HTRA1: variants seen among roughly 807,000 people sequenced by gnomAD.
HTRA1 encodes the protein HtrA serine peptidase 1.
HTRA1 carries 26 observed loss-of-function variants against 49.7 expected under a neutral mutation model. That is an observed-to-expected ratio of 0.52 (90% CI 0.38 to 0.73). HTRA1 has a LOEUF of 0.73. Among genes scored for constraint, HTRA1 ranks in the 30% least tolerant of loss-of-function variants. The probability of loss-of-function intolerance (pLI) is 0.00; values close to 1 mark genes in which losing one functional copy is unlikely to be tolerated. For synonymous variants in HTRA1, 291 were observed against 286.9 expected (o/e 1.01, Z -0.14); for missense variants, 561 against 667.2 (o/e 0.84, Z 1.75).
intron 1 of HTRA1, among the ~76,000 whole-genome samples, chr10:122,468,423 A>C (rs1565408873): frequency 6.6e-6 from 1 of 151,046 alleles, no homozygotes; most frequent in Admixed American, 6.6e-5. Context: ...CATCATCATC[A>C]TCATCATCAT....
chr10:122,466,984 C>T (rs979797326), intron 1 of HTRA1, among the ~76,000 whole-genome samples: 2 of 152,278 alleles, frequency 1.3e-5, no homozygotes, highest in Non-Finnish European at 2.9e-5. Context: ...TTACTTCATT[C>T]CACTGAGAGA....
At chr10:122,466,158 T>A (rs1053864761) in intron 1 of HTRA1, among the ~76,000 whole-genome samples, 2 of 152,106 alleles carry the variant, frequency 1.3e-5, no homozygotes, top group Non-Finnish European at 2.9e-5. Context: ...AGCCCTGGAA[T>A]GTTTGTAAAA....
intron 1 of HTRA1, among the ~76,000 whole-genome samples, chr10:122,478,082 C>A (rs2097489431): frequency 6.6e-6 from 1 of 152,180 alleles, no homozygotes; most frequent in Non-Finnish European, 1.5e-5. Flanking sequence ...CATCCTTAAC[C>A]CTGAATCCTG....
At position 122,478,682 on chromosome 10, in the gene HTRA1, C is replaced by T. The variant is rs576423544; in HGVS notation, c.473-10220C>T. Among the ~76,000 whole-genome samples the T allele has an allele frequency of 2.9e-3, 19 of 6,490 alleles. No individual in the cohort carries two copies. In the East Asian group the frequency reaches 0.067, roughly 23 times the overall value. The allele number at this position is 6,490 out of a possible 152,430, so 4.3% of individuals were successfully genotyped here. Reference sequence around the variant, plus strand: ...GCTGGGATTACAGGCTTGAGCCACTCGCCCGGCTGAGTTTGACCAGATTAA... The same window carrying T: ...GCTGGGATTACAGGCTTGAGCCACTTGCCCGGCTGAGTTTGACCAGATTAA... On this transcript the variant is annotated intron_variant, in intron 1 of 8. Transcript: ENST00000368984.
chr10:122,465,432 C>G (rs1301643630), intron 1 of HTRA1, among the ~76,000 whole-genome samples: 1 of 152,138 alleles, frequency 6.6e-6, no homozygotes, highest in Non-Finnish European at 1.5e-5. Context: ...TGTAGTCTTC[C>G]CTGGGTTACA....
intron 1 of HTRA1, among the ~76,000 whole-genome samples, chr10:122,472,825 G>A (rs775739089): frequency 6.6e-5 from 10 of 152,150 alleles, no homozygotes; most frequent in Middle Eastern, 3.2e-3. Context: ...GGCTATTTCT[G>A]TATCTAGGGT....
chr10:122,472,369 C>CTATTAT (rs56115456), intron 1 of HTRA1, among the ~76,000 whole-genome samples: 7,554 of 141,774 alleles, frequency 0.053, 242 homozygotes, highest in Admixed American at 0.11. Context: ...TTCTTTATTA[C>CTATTAT]TATTATTATT....
intron 4 of HTRA1, 117 bp from the exon 5 acceptor site, chr10:122,507,253 A>G: frequency 1.2e-6 from 1 of 839,514 alleles, no homozygotes; most frequent in East Asian, 2.4e-5. Flanking sequence ...AATGAATCTC[A>G]GAGAAGAATC....
At chr10:122,492,079 G>A (rs1303304952) in intron 3 of HTRA1, among the ~76,000 whole-genome samples, 2 of 152,128 alleles carry the variant, frequency 1.3e-5, no homozygotes, top group African/African-American at 2.4e-5. Flanking sequence ...CAGGAAAACC[G>A]AGAAGGCAGA....
chr10:122,470,800 C>G (rs2133910539), intron 1 of HTRA1, among the ~76,000 whole-genome samples: 1 of 152,166 alleles, frequency 6.6e-6, no homozygotes, highest in East Asian at 1.9e-4. Context: ...CCTGATAGAG[C>G]CAACACCAAG....
At chr10:122,507,471 GTTTGTTGT>G (rs2097503558) in intron 5 of HTRA1, 69 bp downstream of exon 5, 10 of 1,156,206 alleles carry the variant, frequency 8.6e-6, no homozygotes, top group South Asian at 1.2e-5. Context: ...TTGTTTGTTT[GTTTGTTGT>G]TTGTTTGTTT....
chr10:122,490,917 C>T lies in HTRA1; in HGVS notation c.777+1291C>T, dbSNP rs558500094. Among the ~76,000 whole-genome samples, 117 of 152,264 alleles carry T rather than the reference C, an allele frequency of 7.7e-4. No homozygotes were observed. Among genetic ancestry groups the T allele is most frequent in the Admixed American group, 1.2e-3 (19 of 15,296 alleles). On this transcript the variant is annotated intron_variant, in intron 3 of 8. Transcript: ENST00000368984. This position sits in a 1 kb window ranked among gnomAD's most constrained non-coding sequence, Gnocchi z 4.2. ...TAACACATTTACTACCCTCCTTCCC[C>T]GATGTTCCTGTAGCTTCTCTATGGC...
intron 1 of HTRA1, among the ~76,000 whole-genome samples, chr10:122,478,616 T>C (rs1318650310): frequency 2.6e-5 from 4 of 152,040 alleles, no homozygotes; most frequent in Non-Finnish European, 4.4e-5. Context: ...ATGGTCTCGA[T>C]TTCCTGACCT....
chr10:122,488,850 G>A (rs147537391), intron 1 of HTRA1, 52 bp from the exon 2 acceptor site: 49 of 1,401,914 alleles, frequency 3.5e-5, no homozygotes, highest in Admixed American at 5.0e-5. Flanking sequence ...TCTTTCTCTA[G>A]GTGGCCACAG....
At chr10:122,468,535 A>G (rs1198514339) in intron 1 of HTRA1, among the ~76,000 whole-genome samples, 1 of 152,004 alleles carries the variant, frequency 6.6e-6, no homozygotes, top group African/African-American at 2.4e-5. Flanking sequence ...GGGTTAGGAA[A>G]TCTTCACAGA....
In HTRA1 at chr10:122,462,134, C is replaced by T. The variant is rs1412646790; in HGVS notation, c.472+10C>T. ...GGAGCCTGCGGCCAAGGTACTCCGC[C>T]GCGCTCCTGGGCAGCTCCCCACTCT... is the stretch of plus-strand genomic sequence containing the variant. On this transcript the variant is annotated intron_variant, in intron 1 of 8. Coordinates refer to ENST00000368984, the MANE Select transcript of HTRA1 (RefSeq NM_002775.5). 6.5e-7 allele frequency: 1 copy of T among 1,528,640 alleles called. No homozygotes were observed. Among genetic ancestry groups the T allele is most frequent in the Non-Finnish European group, 8.8e-7 (1 of 1,141,726 alleles). The allele number at this position is 1,528,640 out of a possible 1,614,324, so 94.7% of individuals were successfully genotyped here.
chr10:122,482,204 T>C (rs1443704288), intron 1 of HTRA1, among the ~76,000 whole-genome samples: 1 of 152,228 alleles, frequency 6.6e-6, no homozygotes, highest in Non-Finnish European at 1.5e-5. Context: ...ATGGGATATG[T>C]GCACCTGTTG....
At chr10:122,503,365 C>A (rs986225457) in intron 3 of HTRA1, among the ~76,000 whole-genome samples, 1 of 152,212 alleles carries the variant, frequency 6.6e-6, no homozygotes, top group Admixed American at 6.5e-5. Flanking sequence ...GTGAGGCTCA[C>A]GGCTGAGAAC....
intron 1 of HTRA1, among the ~76,000 whole-genome samples, chr10:122,482,245 C>T (rs2097491328): frequency 6.6e-6 from 1 of 152,130 alleles, no homozygotes; most frequent in Non-Finnish European, 1.5e-5. Flanking sequence ...ATCTTGGAGT[C>T]AGATTGGACA....
Sources: gnomAD v4.1 joint callset for allele counts (sites outside exome capture counted in the v4.1 genomes callset) on GRCh38, gnomAD v4.1.1 for gene constraint, Gnocchi (gnomAD v3.1) non-coding constraint, MANE v1.5 for transcripts, NCBI Gene and HGNC (gene_info 2026-07-23, HGNC 2026-07-21) for gene names.